The following SV2B variants were observed in gnomAD, a reference collection of about 807,000 sequenced individuals.
SV2B encodes the protein synaptic vesicle glycoprotein 2B, also known as solute carrier family 22 member B2.
Under a neutral mutation model 73.9 loss-of-function variants are expected in SV2B, and 41 were observed. The observed-to-expected ratio is 0.56, with a 90% confidence interval of 0.43 to 0.72. The LOEUF is 0.72. Ranked by LOEUF, SV2B falls within the 30% of genes least tolerant of loss-of-function variation. The probability of loss-of-function intolerance (pLI) is 0.00; values close to 1 mark genes in which losing one functional copy is unlikely to be tolerated. For missense variants in SV2B, 764 were observed against 857.8 expected, an observed-to-expected ratio of 0.89 and a Z score of 1.37; for synonymous variants, 314 against 314.2, an observed-to-expected ratio of 1.00 and a Z score of 0.01.
Position 91,220,212 on chromosome 15 carries a change from A to G in SV2B, c.-391-5661A>G, listed in dbSNP as rs1488903148. Among the ~76,000 whole-genome samples, 4 of 152,224 alleles carry G rather than the reference A, an allele frequency of 2.6e-5. 1 individual carries two copies. The highest frequency in any genetic ancestry group is 1.3e-4 in the Admixed American group (2 of 15,284). On this transcript the variant is annotated intron_variant, in intron 1 of 12. Coordinates refer to ENST00000394232, the MANE Select transcript of SV2B (RefSeq NM_001323032.3). The surrounding 1 kb of genome is among the most constrained non-coding windows in gnomAD (Gnocchi z 4.1). ...AACTAGCTTCCAAAGGCTATTTTACATGCCCACTGTCAGTTTCTGAGGGTT... is the reference window on the plus strand; with the variant it reads ...AACTAGCTTCCAAAGGCTATTTTACGTGCCCACTGTCAGTTTCTGAGGGTT...
chr15:91,277,418 A>G (rs1317432660), intron 9 of SV2B, among the ~76,000 whole-genome samples: 1 of 152,206 alleles, frequency 6.6e-6, no homozygotes, highest in African/African-American at 2.4e-5. Context: ...GCAGTCATGT[A>G]ACCATCAACA....
At chr15:91,217,212 T>C (rs552009996) in intron 1 of SV2B, among the ~76,000 whole-genome samples, 1 of 152,294 alleles carries the variant, frequency 6.6e-6, no homozygotes, top group South Asian at 2.1e-4. Context: ...TAAGCAAACA[T>C]TTTTTGAGAA....
At chr15:91,221,503 G>A (rs530828560) in intron 1 of SV2B, among the ~76,000 whole-genome samples, 7 of 152,162 alleles carry the variant, frequency 4.6e-5, no homozygotes, top group African/African-American at 1.7e-4. Context: ...TGCTGGAAAG[G>A]TTTCCAGTCC....
chr15:91,184,788 C>T (rs773303317), intron 1 of SV2B, among the ~76,000 whole-genome samples: 4 of 152,320 alleles, frequency 2.6e-5, no homozygotes, highest in Admixed American at 1.3e-4. Flanking sequence ...AATTGACCTT[C>T]ATCTTTTCAA....
At position 91,292,475 on chromosome 15, in the gene SV2B, C is replaced by G. The variant is rs751877393; in HGVS notation, c.1975C>G (p.Leu659Val). ...VGITKVVPIL[L>V]AAASLVGGGL... ...GATAACCAAAGTGGTCCCCATCCTT[C>G]TGGCTGCTGCTTCTCTGGTTGGGGG... The change falls in exon 13 of 13, where the codon CTG (leucine) becomes GTG (valine). Residue 659 changes from leucine (L) to valine (V), a missense_variant. Leu to Val is a conservative substitution (Grantham distance 32). Coordinates refer to ENST00000394232, the MANE Select transcript of SV2B (RefSeq NM_001323032.3). 9 of 1,614,244 alleles carry G rather than the reference C, an allele frequency of 5.6e-6. No homozygotes were observed. The highest frequency in any genetic ancestry group is 1.3e-5 in the African/African-American group (1 of 75,066).
upstream of SV2B, chr15:91,100,142 C>T (rs1410437869): frequency 6.6e-6 from 1 of 152,150 alleles, no homozygotes; most frequent in Non-Finnish European, 1.5e-5. The surrounding 1 kb of genome is among the most constrained non-coding windows in gnomAD (Gnocchi z 6.4). Flanking sequence ...ACCCAGGAGC[C>T]TCCCGCCCCG....
rs17515887 is a variant in SV2B at position 91,122,162 on chromosome 15, T to C, written c.-392+21799T>C. On this transcript the variant is annotated intron_variant, in intron 1 of 12. Transcript: ENST00000394232. The surrounding 1 kb of genome is among the most constrained non-coding windows in gnomAD (Gnocchi z 4.3). ...TCCCAATATGTGCTAAACCATCTCCTCTTTGGACTCCCACTATCTCAGCTA... is the reference window on the plus strand; with the variant it reads ...TCCCAATATGTGCTAAACCATCTCCCCTTTGGACTCCCACTATCTCAGCTA... Among the ~76,000 whole-genome samples the C allele has an allele frequency of 0.52, 79,653 of 152,030 alleles. 22,048 individuals are homozygous for C. Among genetic ancestry groups the C allele is most frequent in the African/African-American group, 0.6 (24,984 of 41,422 alleles).
At chr15:91,272,292 G>A (rs973952922) in intron 9 of SV2B, among the ~76,000 whole-genome samples, 17 of 152,310 alleles carry the variant, frequency 1.1e-4, no homozygotes, top group African/African-American at 4.1e-4. Flanking sequence ...CTAAAAACAG[G>A]ATAGAGTTTC....
chr15:91,154,403 A>C (rs1308582361), intron 1 of SV2B, among the ~76,000 whole-genome samples: 3 of 152,080 alleles, frequency 2.0e-5, no homozygotes, highest in Non-Finnish European at 2.9e-5. Context: ...GGAGATACTA[A>C]GATTAAGTGA....
intron 1 of SV2B, among the ~76,000 whole-genome samples, chr15:91,169,926 C>T (rs987075265): frequency 2.0e-5 from 3 of 152,162 alleles, no homozygotes; most frequent in African/African-American, 7.2e-5. Context: ...ATCAGCGGCG[C>T]AAATAAGACT....
intron 9 of SV2B, among the ~76,000 whole-genome samples, chr15:91,270,556 G>A (rs905813162): frequency 7.2e-5 from 11 of 152,310 alleles, no homozygotes; most frequent in Admixed American, 3.9e-4. Context: ...CTACAGAGGC[G>A]CTGTTTTACA....
At chr15:91,235,605 A>G (rs562406045) in intron 2 of SV2B, among the ~76,000 whole-genome samples, 2 of 152,266 alleles carry the variant, frequency 1.3e-5, no homozygotes, top group South Asian at 2.1e-4. Flanking sequence ...TCATTTTATC[A>G]TGTGAGATAC....
At chr15:91,218,440 C>T (rs1302661848) in intron 1 of SV2B, among the ~76,000 whole-genome samples, 1 of 152,164 alleles carries the variant, frequency 6.6e-6, no homozygotes, top group African/African-American at 2.4e-5. Context: ...AAAGCCCCTC[C>T]TGCTTCTGCT....
chr15:91,277,030 C>G (rs759584505), intron 9 of SV2B, among the ~76,000 whole-genome samples: 1 of 152,044 alleles, frequency 6.6e-6, no homozygotes, highest in Non-Finnish European at 1.5e-5. Context: ...CCATGTTGGT[C>G]AGGCTAGTCT....
chr15:91,267,533 C>T lies in SV2B; in HGVS notation c.1120-22C>T. The T allele has an allele frequency of 1.3e-6, 2 of 1,598,328 alleles. No individual in the cohort carries two copies. The highest frequency in any genetic ancestry group is 2.2e-5 in the South Asian group (2 of 89,912). ...GTCACACATTGCTTTCTTTAACAAT[C>T]CTTCTCTGGTATGGGTTGTAGGTCT... On this transcript the variant is annotated intron_variant, in intron 7 of 12. Transcript: ENST00000394232. This position sits in a 1 kb window ranked among gnomAD's most constrained non-coding sequence, Gnocchi z 4.3.
Position 91,283,757 on chromosome 15 carries a change from A to G in SV2B, c.1508-264A>G, listed in dbSNP as rs982657093. ...ATGTGGGCCACTACACCTGGCTGAG[A>G]GGATGCATTTTGAAGTCTCTCAATG... On this transcript the variant is annotated intron_variant, in intron 10 of 12. Transcript: ENST00000394232. The surrounding 1 kb of genome is among the most constrained non-coding windows in gnomAD (Gnocchi z 4.3). Among the ~76,000 whole-genome samples, 3 of 151,922 alleles carry G rather than the reference A, an allele frequency of 2.0e-5. No homozygotes were observed. The highest frequency in any genetic ancestry group is 2.9e-5 in the Non-Finnish European group (2 of 67,982).
intron 1 of SV2B, among the ~76,000 whole-genome samples, chr15:91,104,186 G>T (rs2041814962): frequency 6.6e-6 from 1 of 152,226 alleles, no homozygotes; most frequent in Non-Finnish European, 1.5e-5. Flanking sequence ...CTCTTGGTTG[G>T]CTGGGTAGTT....
At chr15:91,185,646 A>C (rs1475430478) in intron 1 of SV2B, among the ~76,000 whole-genome samples, 1 of 152,186 alleles carries the variant, frequency 6.6e-6, no homozygotes, top group African/African-American at 2.4e-5. Context: ...GGACATTTTT[A>C]AAGGTCACAT....
At chr15:91,246,284 A>G (rs1314076661) in intron 2 of SV2B, among the ~76,000 whole-genome samples, 1 of 146,868 alleles carries the variant, frequency 6.8e-6, no homozygotes, top group Non-Finnish European at 1.5e-5. Flanking sequence ...TTTTTAAAAT[A>G]TCACCATCTT....
Sources: allele counts gnomAD v4.1 joint callset (sites outside exome capture counted in the v4.1 genomes callset), GRCh38; gene constraint gnomAD v4.1.1; non-coding constraint Gnocchi (gnomAD v3.1); transcripts MANE v1.5; gene names NCBI Gene and HGNC (gene_info 2026-07-23, HGNC 2026-07-21).